Variants in USP48 observed in about 807,000 individuals in gnomAD.
The protein encoded by USP48 is ubiquitin carboxyl-terminal hydrolase 48.
A neutral mutation model predicts 150.7 loss-of-function variants in USP48; 43 were observed. That is an observed-to-expected ratio of 0.29 (90% CI 0.22 to 0.37). The LOEUF is 0.37. Among genes scored for constraint, USP48 ranks in the 10% least tolerant of loss-of-function variants. The pLI, the probability that USP48 is intolerant of heterozygous loss-of-function variation, is 1.00. For synonymous variants in USP48, 396 were observed against 425.9 expected (o/e 0.93, Z 0.86); for missense variants, 813 against 1,249.6 (o/e 0.65, Z 5.27).
intron 1 of USP48, among the ~76,000 whole-genome samples, chr1:21,759,684 A>C (rs1014509673): frequency 6.6e-6 from 1 of 152,210 alleles, no homozygotes; most frequent in African/African-American, 2.4e-5. Flanking sequence ...TAGCAACAAA[A>C]TGAGTAATAG....
chr1:21,688,685 T>C (rs2152497424), intron 24 of USP48, among the ~76,000 whole-genome samples: 1 of 151,196 alleles, frequency 6.6e-6, no homozygotes, highest in South Asian at 2.1e-4. Context: ...CTACTAAAAA[T>C]ACAAAAAATT....
At position 21,715,422 on chromosome 1, in the gene USP48, A is replaced by G; in HGVS notation, c.1930T>C (p.Leu644=). The G allele has an allele frequency of 6.3e-7, 1 of 1,588,930 alleles. No individual in the cohort carries two copies. Among genetic ancestry groups the G allele is most frequent in the African/African-American group, 1.3e-5 (1 of 74,446 alleles). The part of the protein sequence containing the change: ...SKEERKEEEE[L]NFNEDILCPH... Reference sequence around the variant, plus strand: ...CACAGAATATCTTCATTAAAATTTAATTCCTCCTCTTCTTTTCTTTCTTCC... The same window carrying G: ...CACAGAATATCTTCATTAAAATTTAGTTCCTCCTCTTCTTTTCTTTCTTCC... Residue 644 remains leucine, a synonymous_variant, in exon 15 of 27, where the codon TTA becomes CTA. Transcript: ENST00000308271.
intron 1 of USP48, among the ~76,000 whole-genome samples, chr1:21,761,475 C>T (rs971182818): frequency 1.8e-4 from 23 of 129,758 alleles, no homozygotes; most frequent in Admixed American, 1.8e-3. Flanking sequence ...TGCCATGTTG[C>T]CCCAGGCTGA....
intron 8 of USP48, among the ~76,000 whole-genome samples, chr1:21,745,348 G>A (rs1229527257): frequency 6.6e-6 from 1 of 151,868 alleles, no homozygotes; most frequent in Non-Finnish European, 1.5e-5. Flanking sequence ...GCTCATGCCT[G>A]TAATCCCAGC....
At chr1:21,701,089 G>A (rs1257465008) in intron 22 of USP48, among the ~76,000 whole-genome samples, 7 of 149,176 alleles carry the variant, frequency 4.7e-5, no homozygotes, top group Admixed American at 2.7e-4. Flanking sequence ...AAAAAAGGCC[G>A]GGTGCGGTGG....
intron 1 of USP48, among the ~76,000 whole-genome samples, chr1:21,775,754 A>G (rs536419386): frequency 3.3e-5 from 5 of 152,202 alleles, no homozygotes; most frequent in Non-Finnish European, 5.9e-5. Context: ...TTGAAAATTC[A>G]TATCAAGGCT....
At chr1:21,741,192 C>G (rs1303122197) in intron 8 of USP48, among the ~76,000 whole-genome samples, 2 of 152,008 alleles carry the variant, frequency 1.3e-5, no homozygotes, top group Middle Eastern at 3.2e-3. Context: ...ACTAGAAAAC[C>G]AGAAAAGATT....
At chr1:21,688,860 AAAG>A (rs2097587751) in intron 24 of USP48, among the ~76,000 whole-genome samples, 1 of 150,818 alleles carries the variant, frequency 6.6e-6, no homozygotes, top group Non-Finnish European at 1.5e-5. Context: ...AAAAAAAAAA[AAAG>A]AAGAAGCCCC....
At chr1:21,778,931 G>A (rs1219052389) in intron 1 of USP48, among the ~76,000 whole-genome samples, 5 of 151,894 alleles carry the variant, frequency 3.3e-5, no homozygotes, top group Non-Finnish European at 5.9e-5. Flanking sequence ...ACAGGCATCC[G>A]CCACCATGCC....
At chr1:21,703,471 G>A (rs766399179) in intron 21 of USP48, 41 bp downstream of exon 21, 12 of 1,515,738 alleles carry the variant, frequency 7.9e-6, no homozygotes, top group Admixed American at 6.8e-5. Flanking sequence ...CAAAGAGCAC[G>A]CTTGATCATT....
intron 22 of USP48, 127 bp downstream of exon 22, chr1:21,701,365 CAAAAAA>C: frequency 4.9e-6 from 2 of 408,878 alleles, no homozygotes; most frequent in Non-Finnish European, 8.2e-6. Context: ...GACTCCATCT[CAAAAAA>C]AAAAAAAAAA....
intron 12 of USP48, among the ~76,000 whole-genome samples, chr1:21,723,413 G>A (rs771061464): frequency 4.6e-5 from 7 of 151,732 alleles, no homozygotes; most frequent in Non-Finnish European, 7.4e-5. Context: ...TCAGCTACTC[G>A]GGAGGCTCGA....
At chr1:21,774,216 T>TAATAAC (rs2097890916) in intron 1 of USP48, among the ~76,000 whole-genome samples, 1 of 148,576 alleles carries the variant, frequency 6.7e-6, no homozygotes, top group Admixed American at 6.7e-5. Flanking sequence ...ATAATAATAA[T>TAATAAC]AATAATAAGG....
chr1:21,688,431 C>T (rs1000493570), intron 24 of USP48, among the ~76,000 whole-genome samples: 10 of 151,636 alleles, frequency 6.6e-5, no homozygotes, highest in African/African-American at 1.9e-4. Flanking sequence ...ATGCTGGCCA[C>T]GCTGGTCTTG....
At chr1:21,713,088 T>C (rs1433858589) in intron 15 of USP48, among the ~76,000 whole-genome samples, 1 of 151,552 alleles carries the variant, frequency 6.6e-6, no homozygotes, top group East Asian at 1.9e-4. Flanking sequence ...TTCTTTCTCT[T>C]TCTCACTCTC....
intron 1 of USP48, among the ~76,000 whole-genome samples, chr1:21,765,400 G>C (rs1204957686): frequency 6.6e-6 from 1 of 152,142 alleles, no homozygotes; most frequent in Non-Finnish European, 1.5e-5. Flanking sequence ...CGGATCACTT[G>C]AGGTCAGGAG....
At chr1:21,746,113 T>C (rs1446802615) in intron 8 of USP48, among the ~76,000 whole-genome samples, 2 of 152,242 alleles carry the variant, frequency 1.3e-5, no homozygotes, top group Non-Finnish European at 2.9e-5. Context: ...AAATGTCTCT[T>C]AAAGGTTTTT....
At chr1:21,694,683 C>T (rs1046491989) in intron 23 of USP48, among the ~76,000 whole-genome samples, 10 of 146,850 alleles carry the variant, frequency 6.8e-5, no homozygotes, top group East Asian at 2.1e-4. Context: ...AATCACTAAT[C>T]GCTAATAATA....
intron 14 of USP48, among the ~76,000 whole-genome samples, chr1:21,717,116 G>A (rs1410074747): frequency 4.0e-5 from 6 of 151,816 alleles, no homozygotes. Context: ...AAAAACTGAA[G>A]TAGAGGCCAG....
Sources: allele counts gnomAD v4.1 joint callset (sites outside exome capture counted in the v4.1 genomes callset), GRCh38; gene constraint gnomAD v4.1.1; transcripts MANE v1.5; gene names NCBI Gene and HGNC (gene_info 2026-07-23, HGNC 2026-07-21).